THTPA: variants seen among roughly 807,000 people sequenced by gnomAD.
THTPA encodes the protein thiamine triphosphatase.
A neutral mutation model predicts 16.5 loss-of-function variants in THTPA; 16 were observed. The observed-to-expected ratio is 0.97, with a 90% CI of 0.66 to 1.47. The LOEUF (loss-of-function observed/expected upper bound fraction) is 1.47, where lower values mean the gene tolerates loss of function less well. THTPA is among the 40% of genes most tolerant of loss of function. The pLI, the probability that THTPA is intolerant of heterozygous loss-of-function variation, is 0.00. For synonymous variants in THTPA, 110 were observed against 115.5 expected (o/e 0.95, Z 0.30); for missense variants, 281 against 280.9 (o/e 1.00, Z 0.00).
the THTPA span, among the ~76,000 whole-genome samples, chr14:23,519,661 G>A: frequency 2.6e-5 from 4 of 152,134 alleles, no homozygotes; most frequent in Non-Finnish European, 2.9e-5. Flanking sequence ...GTTAGAGTTG[G>A]AGTTATTCAG....
chr14:23,530,070 T>G, the THTPA span: 1 of 1,465,104 alleles, frequency 6.8e-7, no homozygotes, highest in Non-Finnish European at 9.2e-7. Flanking sequence ...CAAGGTCCCG[T>G]GAGCGTCTCA....
chr14:23,518,978 C>A, the THTPA span, among the ~76,000 whole-genome samples: 2 of 152,140 alleles, frequency 1.3e-5, no homozygotes. This position sits in a 1 kb window ranked among gnomAD's most constrained non-coding sequence, Gnocchi z 4.5. Context: ...GAATGGTGCC[C>A]CCTCAGGAAG....
At chr14:23,522,216 G>A in the THTPA span, 32 of 1,478,422 alleles carry the variant, frequency 2.2e-5, no homozygotes, top group African/African-American at 2.8e-5. Context: ...ATGGGCACCC[G>A]CAATGGGGGT....
chr14:23,519,111 T>C, the THTPA span, among the ~76,000 whole-genome samples: 28 of 152,224 alleles, frequency 1.8e-4, no homozygotes, highest in African/African-American at 6.3e-4. Flanking sequence ...CACGTGGTAT[T>C]GCCAGGCCAG....
At chr14:23,527,009 C>A in the THTPA span, 1 of 1,467,178 alleles carries the variant, frequency 6.8e-7, no homozygotes, top group Non-Finnish European at 9.0e-7. Context: ...TTCACCACCA[C>A]CCCCCACTGC....
At chr14:23,524,911 G>A in the THTPA span, 1 of 1,536,304 alleles carries the variant, frequency 6.5e-7, no homozygotes. The surrounding 1 kb of genome is among the most constrained non-coding windows in gnomAD (Gnocchi z 5.6). Context: ...AGGAGAAAGT[G>A]GCGTGGCAAC....
chr14:23,558,947 T>C lies in THTPA; in HGVS notation c.*107T>C, dbSNP rs1287630979. 3 of 1,346,152 alleles carry C rather than the reference T, an allele frequency of 2.2e-6. No homozygotes were observed. In the Admixed American group the frequency reaches 7.0e-5, roughly 32 times the overall value. 83.4% of individuals were successfully genotyped at this position (1,346,152 alleles called of 1,614,324 possible). On this transcript the variant is annotated 3_prime_UTR_variant, in exon 2 of 2. Transcript: ENST00000288014. ...GTCCCTTCTGACAGTGACTCCTCTC[T>C]CTCCAGCGCTGCCTGTTTCTTCCCC... is the stretch of plus-strand genomic sequence containing the variant.
chr14:23,525,259 C>T, the THTPA span: 6 of 1,536,030 alleles, frequency 3.9e-6, no homozygotes, highest in East Asian at 9.8e-5. This position sits in a 1 kb window ranked among gnomAD's most constrained non-coding sequence, Gnocchi z 5.9. Flanking sequence ...GGGCACGGGT[C>T]CCCCCTGCCT....
At chr14:23,528,761 C>G in the THTPA span, 8 of 985,450 alleles carry the variant, frequency 8.1e-6, no homozygotes, top group Non-Finnish European at 9.6e-6. Flanking sequence ...CAGGAAAATT[C>G]TGGCCCAGCC....
Position 23,559,451 on chromosome 14 carries a change from GC to G in THTPA, c.*616del, listed in dbSNP as rs1317663354. 7 of 372,134 alleles carry G rather than the reference GC, an allele frequency of 1.9e-5. No individual in the cohort carries two copies. The highest frequency in any genetic ancestry group is 3.6e-5 in the Non-Finnish European group (7 of 197,016). 23.1% of individuals were successfully genotyped at this position (372,134 alleles called of 1,614,324 possible). A position where few individuals can be genotyped will look rare whatever the true frequency, so the allele number is the denominator to read the frequency against. ...AAGAACCAACAGCTGCCCCCTCCCC[GC>G]CCCCGTGTTGAGACAGGTTCTCAAG... On this transcript the variant is annotated 3_prime_UTR_variant, in exon 2 of 2. Transcript: ENST00000288014.
the THTPA span, chr14:23,523,367 G>T: frequency 2.0e-6 from 3 of 1,481,590 alleles, no homozygotes; most frequent in Non-Finnish European, 2.7e-6. This position sits in a 1 kb window ranked among gnomAD's most constrained non-coding sequence, Gnocchi z 4.1. Flanking sequence ...AGGTGCTGGG[G>T]CCAAGTCGTA....
At chr14:23,535,139 A>T in the THTPA span, 1 of 1,535,724 alleles carries the variant, frequency 6.5e-7, no homozygotes, top group Non-Finnish European at 8.7e-7. The surrounding 1 kb of genome is among the most constrained non-coding windows in gnomAD (Gnocchi z 4.5). Context: ...CCACAGCCCG[A>T]CTCCAGGAGC....
the THTPA span, chr14:23,532,176 G>C: frequency 5.9e-6 from 1 of 168,768 alleles, no homozygotes; most frequent in Non-Finnish European, 1.2e-5. Flanking sequence ...CCCTCCTATG[G>C]CCACCTAAGT....
the THTPA span, chr14:23,534,176 C>T: frequency 6.8e-7 from 1 of 1,475,316 alleles, no homozygotes; most frequent in African/African-American, 1.4e-5. The surrounding 1 kb of genome is among the most constrained non-coding windows in gnomAD (Gnocchi z 4.5). Flanking sequence ...GGGCAGAGCC[C>T]TCCATCCTCT....
At chr14:23,551,181 C>T (rs936971478), upstream of THTPA, among the ~76,000 whole-genome samples, 3 of 152,120 alleles carry the variant, frequency 2.0e-5, no homozygotes, top group Admixed American at 6.5e-5. This position sits in a 1 kb window ranked among gnomAD's most constrained non-coding sequence, Gnocchi z 5.3. Context: ...CCGTCCTTGT[C>T]CCCTCCCCCA....
chr14:23,560,177 C>T lies in THTPA; in HGVS notation c.*1337C>T, dbSNP rs1029938582. The T allele has an allele frequency of 1.9e-5, 29 of 1,555,460 alleles. No homozygotes were observed. The highest frequency in any genetic ancestry group is 4.5e-5 in the East Asian group (2 of 44,458). ...ATGACTCAATCCCATCTCACACTGT[C>T]TCCCACCCACCTCCTCCACTTAGTG... On this transcript the variant is annotated 3_prime_UTR_variant, in exon 2 of 2. Transcript: ENST00000288014.
chr14:23,528,862 C>G, the THTPA span: 37 of 977,030 alleles, frequency 3.8e-5, no homozygotes, highest in Non-Finnish European at 4.3e-5. Context: ...CAGCCTGCAT[C>G]CAGGCTGGCA....
At chr14:23,535,138 G>A in the THTPA span, 41 of 1,536,092 alleles carry the variant, frequency 2.7e-5, no homozygotes, top group East Asian at 7.3e-5. The surrounding 1 kb of genome is among the most constrained non-coding windows in gnomAD (Gnocchi z 4.5). Context: ...GCCACAGCCC[G>A]ACTCCAGGAG....
the THTPA span, chr14:23,526,223 G>C: frequency 6.5e-7 from 1 of 1,536,250 alleles, no homozygotes; most frequent in Non-Finnish European, 8.7e-7. Context: ...GGCAGCAGTG[G>C]TGGTGGGTGG....
Sources: gnomAD v4.1 joint callset for allele counts (sites outside exome capture counted in the v4.1 genomes callset) on GRCh38, gnomAD v4.1.1 for gene constraint, Gnocchi (gnomAD v3.1) non-coding constraint, MANE v1.5 for transcripts, NCBI Gene and HGNC (gene_info 2026-07-23, HGNC 2026-07-21) for gene names.